The following MTAP variants were observed in gnomAD, a reference collection of about 807,000 sequenced individuals.
The protein encoded by MTAP is S-methyl-5'-thioadenosine phosphorylase.
A neutral mutation model predicts 33.6 loss-of-function variants in MTAP; 33 were observed. The ratio of observed to expected loss-of-function variants is 0.98; its 90% CI spans 0.74 to 1.31. The LOEUF is 1.31. MTAP is among the 40% of genes most tolerant of loss of function. The pLI is 0.00. For synonymous variants in MTAP, 148 were observed against 125.7 expected (o/e 1.18, Z -1.19); for missense variants, 367 against 360.0 (o/e 1.02, Z -0.16).
At chr9:21,859,673 T>C (rs1187803511) in intron 7 of MTAP, 2 of 352,870 alleles carry the variant, frequency 5.7e-6, no homozygotes, top group Non-Finnish European at 1.0e-5. Flanking sequence ...ACCAGATTCT[T>C]CACATTGCCC....
chr9:21,839,953 A>T (rs1010152638), intron 5 of MTAP, among the ~76,000 whole-genome samples: 1 of 152,248 alleles, frequency 6.6e-6, no homozygotes, highest in African/African-American at 2.4e-5. Context: ...GCTGGCCACC[A>T]CGGTGGCTCA....
chr9:21,839,957 T>A (rs971379350), intron 5 of MTAP, among the ~76,000 whole-genome samples: 1 of 152,212 alleles, frequency 6.6e-6, no homozygotes, highest in African/African-American at 2.4e-5. Context: ...GCCACCACGG[T>A]GGCTCACGCC....
chr9:21,881,421 A>G (rs1339821531), intron 1 of MTAP, among the ~76,000 whole-genome samples: 1 of 152,118 alleles, frequency 6.6e-6, no homozygotes, highest in Non-Finnish European at 1.5e-5. Context: ...GAACTAGATC[A>G]AACTTTAAAA....
intron 1 of MTAP, among the ~76,000 whole-genome samples, chr9:21,913,694 A>G (rs1207180025): frequency 6.6e-6 from 1 of 152,234 alleles, no homozygotes. Context: ...AACCTAGGCA[A>G]TACAATTCAG....
intron 1 of MTAP, among the ~76,000 whole-genome samples, chr9:21,920,522 CCCAGATTTTA>C (rs1331349277): frequency 1.3e-5 from 2 of 152,034 alleles, no homozygotes; most frequent in Non-Finnish European, 2.9e-5. Flanking sequence ...TTTTTATTTT[CCCAGATTTTA>C]CCAACAAAAA....
chr9:21,899,409 A>G (rs1818352262), intron 1 of MTAP, among the ~76,000 whole-genome samples: 1 of 142,222 alleles, frequency 7.0e-6, no homozygotes, highest in Non-Finnish European at 1.5e-5. Flanking sequence ...GAGAAGGGGA[A>G]GGGGAAGGGG....
chr9:21,936,034 C>T, downstream of MTAP: 1 of 152,164 alleles, frequency 6.6e-6, no homozygotes, highest in Non-Finnish European at 1.5e-5. Context: ...AAAGCCAGAT[C>T]TGAAAAATGT....
intron 4 of MTAP, among the ~76,000 whole-genome samples, chr9:21,820,319 A>G (rs1304098966): frequency 6.6e-6 from 1 of 152,178 alleles, no homozygotes; most frequent in Non-Finnish European, 1.5e-5. Context: ...TAATTTTTGT[A>G]TAAGGTGTAA....
At chr9:21,817,903 TG>T in intron 3 of MTAP, 131 bp from the exon 4 acceptor site, 1 of 805,896 alleles carries the variant, frequency 1.2e-6, no homozygotes, top group Middle Eastern at 3.5e-4. Flanking sequence ...CTCACTGGAC[TG>T]GGTTCTAGGA....
At chr9:21,935,864 C>A (rs1257657975), downstream of MTAP, 3 of 152,082 alleles carry the variant, frequency 2.0e-5, no homozygotes, top group Non-Finnish European at 4.4e-5. Context: ...AATGGTATTT[C>A]AGGTCATCTG....
rs773081239 is a variant in MTAP, at chr9:21,865,859, A to C, written c.*3845A>C. On this transcript the variant is annotated 3_prime_UTR_variant, in exon 8 of 8. Coordinates refer to ENST00000644715, the MANE Select transcript of MTAP (RefSeq NM_002451.4). ...GCTTGTGCCTTTTTTATTGCCTAGTAGTATTCTGTCATATGCCTATCTTAC... is the reference window on the plus strand; with the variant it reads ...GCTTGTGCCTTTTTTATTGCCTAGTCGTATTCTGTCATATGCCTATCTTAC... The C allele has an allele frequency of 5.7e-6, 5 of 879,292 alleles. No homozygotes were observed. Among genetic ancestry groups the C allele is most frequent in the Non-Finnish European group, 6.8e-6 (5 of 732,442 alleles). The allele number at this position is 879,292 out of a possible 1,614,324, so 54.5% of individuals were successfully genotyped here. A position where few individuals can be genotyped will look rare whatever the true frequency, so the allele number is the denominator to read the frequency against.
In MTAP at chr9:21,859,298, T is replaced by C. The variant is rs190228652; in HGVS notation, c.691-5T>C. Reference sequence around the variant, plus strand: ...TAGTAACCTCCAGTGCTATTGTTTCTCTAGGTTTCGGTGGACCGGGTCTTA... The same window carrying C: ...TAGTAACCTCCAGTGCTATTGTTTCCCTAGGTTTCGGTGGACCGGGTCTTA... On this transcript the variant is annotated splice_region_variant and splice_polypyrimidine_tract_variant and intron_variant, in intron 6 of 7. Coordinates refer to ENST00000644715, the MANE Select transcript of MTAP (RefSeq NM_002451.4). 7 of 1,604,808 alleles carry C rather than the reference T, an allele frequency of 4.4e-6. No individual in the cohort carries two copies. The highest frequency in any genetic ancestry group is 5.9e-6 in the Non-Finnish European group (7 of 1,177,346).
chr9:21,821,771 G>A (rs954307290), intron 4 of MTAP, among the ~76,000 whole-genome samples: 11 of 152,024 alleles, frequency 7.2e-5, no homozygotes, highest in Non-Finnish European at 1.3e-4. Flanking sequence ...TTTTTTGGTT[G>A]GTAGGCTATT....
intron 4 of MTAP, among the ~76,000 whole-genome samples, chr9:21,833,129 C>T (rs755624606): frequency 6.6e-5 from 10 of 152,120 alleles, no homozygotes; most frequent in Admixed American, 2.0e-4. Context: ...CACTCAGGGG[C>T]ACTCTTGATA....
At position 21,840,040 on chromosome 9, in the gene MTAP, C is replaced by T. The variant is rs139600153; in HGVS notation, c.450+2030C>T. Among the ~76,000 whole-genome samples the T allele has an allele frequency of 3.7e-3, 566 of 152,228 alleles. 1 individual carries two copies. Among genetic ancestry groups the T allele is most frequent in the Non-Finnish European group, 6.0e-3 (411 of 67,998 alleles). The stretch of plus-strand genomic sequence containing the variant: ...AGGAGATCAAGAACATTCTGGCTAA[C>T]ATGGTGAAACCCTGTCTCTACTAAA... On this transcript the variant is annotated intron_variant, in intron 5 of 7. Coordinates refer to ENST00000644715, the MANE Select transcript of MTAP (RefSeq NM_002451.4).
intron 1 of MTAP, chr9:21,930,871 G>A: frequency 1.6e-6 from 1 of 635,872 alleles, no homozygotes; most frequent in East Asian, 2.7e-5. Flanking sequence ...TAGTTAGATT[G>A]GTAAGGAACC....
intron 1 of MTAP, among the ~76,000 whole-genome samples, chr9:21,877,167 C>T (rs1299395166): frequency 6.6e-6 from 1 of 151,884 alleles, no homozygotes; most frequent in African/African-American, 2.4e-5. Context: ...GCTTGACTGT[C>T]ATTGGTGTAT....
chr9:21,803,976 A>G (rs1376613662), intron 1 of MTAP, among the ~76,000 whole-genome samples: 5 of 152,200 alleles, frequency 3.3e-5, no homozygotes, highest in African/African-American at 1.2e-4. Flanking sequence ...GTCATTTTGA[A>G]AAGAATCTTG....
At chr9:21,898,639 T>C (rs980579028) in intron 1 of MTAP, among the ~76,000 whole-genome samples, 9 of 152,156 alleles carry the variant, frequency 5.9e-5, no homozygotes, top group African/African-American at 2.2e-4. Flanking sequence ...AAAATGTTCA[T>C]CATCACTGGC....
Sources: gnomAD v4.1 joint callset for allele counts (sites outside exome capture counted in the v4.1 genomes callset) on GRCh38, gnomAD v4.1.1 for gene constraint, MANE v1.5 for transcripts, NCBI Gene and HGNC (gene_info 2026-07-23, HGNC 2026-07-21) for gene names.